DTNBP1: variants seen among roughly 807,000 people sequenced by gnomAD.
The protein encoded by DTNBP1 is dystrobrevin binding protein 1, also known as dysbindin.
In DTNBP1, 35 loss-of-function variants were observed where a neutral mutation model predicts 42.8. That is an observed-to-expected ratio of 0.82 (90% CI 0.63 to 1.09). The LOEUF (loss-of-function observed/expected upper bound fraction) is 1.09. Among genes scored for constraint, DTNBP1 ranks in the 50% least tolerant of loss-of-function variants. DTNBP1 has a pLI of 0.00. For synonymous variants in DTNBP1, 171 were observed against 162.2 expected, an observed-to-expected ratio of 1.05 and a Z score of -0.41; for missense variants, 457 against 424.2, an observed-to-expected ratio of 1.08 and a Z score of -0.68.
chr6:15,590,362 A>G (rs1254815150), intron 7 of DTNBP1, among the ~76,000 whole-genome samples: 1 of 152,102 alleles, frequency 6.6e-6, no homozygotes, highest in Admixed American at 6.5e-5. Context: ...TGCATTACTT[A>G]TATTATGGAT....
intron 5 of DTNBP1, among the ~76,000 whole-genome samples, chr6:15,616,417 A>G (rs1758720578): frequency 6.6e-6 from 1 of 152,200 alleles, no homozygotes; most frequent in Non-Finnish European, 1.5e-5. Context: ...GGGGAGGTAT[A>G]TTTCAATGGC....
intron 6 of DTNBP1, among the ~76,000 whole-genome samples, chr6:15,597,780 C>T (rs981289606): frequency 6.6e-5 from 10 of 152,186 alleles, no homozygotes; most frequent in African/African-American, 2.4e-4. Flanking sequence ...TCATGATTAC[C>T]AAGTACTGAG....
At chr6:15,637,545 A>G (rs886196562) in intron 4 of DTNBP1, among the ~76,000 whole-genome samples, 199 bp downstream of exon 4, 29 of 152,346 alleles carry the variant, frequency 1.9e-4, no homozygotes, top group Middle Eastern at 3.4e-3. Context: ...TCTCTTGCTC[A>G]ACTAAACTAA....
At chr6:15,634,311 G>A (rs1759873786) in intron 4 of DTNBP1, among the ~76,000 whole-genome samples, 1 of 151,836 alleles carries the variant, frequency 6.6e-6, no homozygotes, top group Non-Finnish European at 1.5e-5. Flanking sequence ...CATTGTTCTA[G>A]TTTTTTTCTA....
intron 4 of DTNBP1, among the ~76,000 whole-genome samples, chr6:15,635,697 C>T (rs928386740): frequency 6.6e-5 from 10 of 152,028 alleles, no homozygotes; most frequent in African/African-American, 2.2e-4. Flanking sequence ...GTATTCTCTG[C>T]CTATCAATTC....
chr6:15,573,973 G>A (rs984228930), intron 7 of DTNBP1, among the ~76,000 whole-genome samples: 2 of 152,062 alleles, frequency 1.3e-5, no homozygotes, highest in African/African-American at 2.4e-5. Context: ...CCAAAGTGTC[G>A]GGATTACAGG....
rs756462031 is a variant in DTNBP1 at position 15,615,374 on chromosome 6, C to T, written c.381G>A (p.Glu127=). The part of the protein sequence containing the change: ...NLTHLEASFE[E]VENNLLHLED... ...CCAGATGCAGCAGGTTGTTCTCTAC[C>T]TCCTCAAAACTCGCCTCTAAATGAG... Residue 127 remains glutamate, a synonymous_variant, in exon 6 of 10, where the codon GAG becomes GAA. Coordinates refer to ENST00000344537, the MANE Select transcript of DTNBP1 (RefSeq NM_032122.5). 2 of 1,614,040 alleles carry T rather than the reference C, an allele frequency of 1.2e-6. No homozygotes were observed. Among genetic ancestry groups the T allele is most frequent in the Non-Finnish European group, 1.7e-6 (2 of 1,180,022 alleles).
At chr6:15,645,437 A>G (rs965668870) in intron 3 of DTNBP1, among the ~76,000 whole-genome samples, 1 of 152,074 alleles carries the variant, frequency 6.6e-6, no homozygotes, top group African/African-American at 2.4e-5. Context: ...ACCTCATTCT[A>G]TGCAACTAGT....
chr6:15,523,232 G>A lies in DTNBP1; in HGVS notation c.812-13C>T, dbSNP rs377254012. On this transcript the variant is annotated splice_polypyrimidine_tract_variant and intron_variant, in intron 9 of 9. Transcript: ENST00000344537. ...CTGGATTCAGGCCCTGCAAAATAACGTAGGGAAGAAAAAGCCCTGTCATAA... is the reference window on the plus strand; with the variant it reads ...CTGGATTCAGGCCCTGCAAAATAACATAGGGAAGAAAAAGCCCTGTCATAA... 1.6e-4 allele frequency: 259 copies of A among 1,613,768 alleles called. No homozygotes were observed. Among genetic ancestry groups the A allele is most frequent in the Non-Finnish European group, 2.1e-4 (249 of 1,179,952 alleles).
intron 7 of DTNBP1, among the ~76,000 whole-genome samples, chr6:15,574,301 A>G (rs1775470545): frequency 6.6e-6 from 1 of 152,218 alleles, no homozygotes. Context: ...TCACATCCTT[A>G]GCATGGGGCA....
intron 1 of DTNBP1, among the ~76,000 whole-genome samples, chr6:15,655,914 C>G (rs915297217): frequency 1.3e-5 from 2 of 152,136 alleles, no homozygotes; most frequent in African/African-American, 2.4e-5. Context: ...TGGAAACAAC[C>G]CACTTATAAC....
intron 7 of DTNBP1, among the ~76,000 whole-genome samples, chr6:15,563,071 C>T (rs1389473294): frequency 6.6e-6 from 1 of 152,252 alleles, no homozygotes; most frequent in Non-Finnish European, 1.5e-5. Context: ...GCCTTCACGA[C>T]CTGCTTCTAG....
At chr6:15,602,827 C>T (rs1172432866) in intron 6 of DTNBP1, among the ~76,000 whole-genome samples, 1 of 152,124 alleles carries the variant, frequency 6.6e-6, no homozygotes, top group East Asian at 1.9e-4. Context: ...TTTCATGCCT[C>T]TTAAAAACAA....
intron 8 of DTNBP1, among the ~76,000 whole-genome samples, chr6:15,532,118 G>T (rs1241428335): frequency 3.9e-5 from 6 of 152,048 alleles, no homozygotes. Flanking sequence ...ATGATGAGAC[G>T]TTCAGGAGAA....
At chr6:15,591,024 T>C (rs1248232908) in intron 7 of DTNBP1, among the ~76,000 whole-genome samples, 1 of 152,008 alleles carries the variant, frequency 6.6e-6, no homozygotes, top group Non-Finnish European at 1.5e-5. Flanking sequence ...ATTGCCACAA[T>C]ATGTTCGAAC....
intron 7 of DTNBP1, among the ~76,000 whole-genome samples, chr6:15,572,390 C>T (rs1191073324): frequency 6.6e-6 from 1 of 152,186 alleles, no homozygotes; most frequent in African/African-American, 2.4e-5. Context: ...GCACAGAAAA[C>T]TCAGTTCTGT....
intron 7 of DTNBP1, among the ~76,000 whole-genome samples, chr6:15,592,642 G>A (rs970120331): frequency 1.3e-5 from 2 of 152,198 alleles, no homozygotes; most frequent in African/African-American, 4.8e-5. Context: ...AAAGTCACAA[G>A]ACAGCAGCAG....
rs573387466 is a variant in DTNBP1, at chr6:15,619,027, T to C, written c.356-3628A>G. Among the ~76,000 whole-genome samples, 5 of 152,272 alleles carry C rather than the reference T, an allele frequency of 3.3e-5. No individual in the cohort carries two copies. The East Asian group carries it at 9.6e-4, about 29-fold the overall frequency. ...ACCCACATGTGGAAGCTAAAAACGTTGATCCCAGGGAAGTAGAGGGTAGAA... is the reference window on the plus strand; with the variant it reads ...ACCCACATGTGGAAGCTAAAAACGTCGATCCCAGGGAAGTAGAGGGTAGAA... On this transcript the variant is annotated intron_variant, in intron 5 of 9. Transcript: ENST00000344537.
At chr6:15,572,867 G>C (rs1775397729) in intron 7 of DTNBP1, among the ~76,000 whole-genome samples, 1 of 152,114 alleles carries the variant, frequency 6.6e-6, no homozygotes, top group Non-Finnish European at 1.5e-5. Context: ...GAGGAGCTTG[G>C]ACTACAGGTA....
Sources: gnomAD v4.1 joint callset for allele counts (sites outside exome capture counted in the v4.1 genomes callset) on GRCh38, gnomAD v4.1.1 for gene constraint, MANE v1.5 for transcripts, NCBI Gene and HGNC (gene_info 2026-07-23, HGNC 2026-07-21) for gene names.